Variants in SLC17A1 observed in about 807,000 individuals in gnomAD.
The protein encoded by SLC17A1 is sodium-dependent phosphate transport protein 1.
A neutral mutation model predicts 53.5 loss-of-function variants in SLC17A1; 51 were observed. The observed-to-expected ratio is 0.95, with a 90% CI of 0.76 to 1.20. The LOEUF (loss-of-function observed/expected upper bound fraction) is 1.20. Among genes scored for constraint, SLC17A1 ranks in the 50% most tolerant of loss-of-function variants. The pLI is 0.00. For synonymous variants in SLC17A1, 179 were observed against 198.8 expected, an observed-to-expected ratio of 0.90 and a Z score of 0.84; for missense variants, 538 against 568.2, an observed-to-expected ratio of 0.95 and a Z score of 0.54.
intron 12 of SLC17A1, among the ~76,000 whole-genome samples, chr6:25,783,811 T>C (rs184392991): frequency 6.6e-6 from 1 of 151,822 alleles, no homozygotes; most frequent in Non-Finnish European, 1.5e-5. Context: ...TTTTTTTTTT[T>C]GGACCCTACC....
chr6:25,760,885 A>C, the SLC17A1 span, among the ~76,000 whole-genome samples: 3 of 152,180 alleles, frequency 2.0e-5, no homozygotes, highest in Non-Finnish European at 4.4e-5. Context: ...GCATACTTAC[A>C]TAATGTCTTT....
chr6:25,723,773 C>A, the SLC17A1 span, among the ~76,000 whole-genome samples: 1 of 152,162 alleles, frequency 6.6e-6, no homozygotes, highest in Admixed American at 6.5e-5. Flanking sequence ...CCACTGCACT[C>A]GTCTGTGCGA....
chr6:25,808,863 A>G (rs62394267), intron 10 of SLC17A1, among the ~76,000 whole-genome samples: 14,120 of 152,156 alleles, frequency 0.093, 831 homozygotes, highest in Middle Eastern at 0.15. Flanking sequence ...AAGAACCACA[A>G]ATAGAACTAC....
At chr6:25,771,488 C>A in the SLC17A1 span, among the ~76,000 whole-genome samples, 1 of 151,870 alleles carries the variant, frequency 6.6e-6, no homozygotes, top group African/African-American at 2.4e-5. Flanking sequence ...GTGGGAGAAT[C>A]ACTTGAACCC....
chr6:25,726,793 A>G, the SLC17A1 span: 7 of 1,325,062 alleles, frequency 5.3e-6, no homozygotes, highest in Admixed American at 1.6e-4. Context: ...TTACTTGGCG[A>G]GACTTGGAGC....
At chr6:25,738,944 A>C in the SLC17A1 span, among the ~76,000 whole-genome samples, 2 of 152,182 alleles carry the variant, frequency 1.3e-5, no homozygotes, top group African/African-American at 4.8e-5. Context: ...AAAACTATAA[A>C]ATGGTACAGA....
At chr6:25,746,113 T>C in the SLC17A1 span, among the ~76,000 whole-genome samples, 1 of 152,212 alleles carries the variant, frequency 6.6e-6, no homozygotes, top group Non-Finnish European at 1.5e-5. Context: ...CAGCTTCAGA[T>C]AATAAATTCA....
the SLC17A1 span, among the ~76,000 whole-genome samples, chr6:25,750,071 C>T: frequency 6.6e-6 from 1 of 152,204 alleles, no homozygotes; most frequent in Non-Finnish European, 1.5e-5. Context: ...GAAATTAGTG[C>T]AAGGCGTAGC....
chr6:25,775,760 T>C, the SLC17A1 span, among the ~76,000 whole-genome samples: 2 of 152,204 alleles, frequency 1.3e-5, no homozygotes, highest in African/African-American at 2.4e-5. Context: ...TCTTTGTTTC[T>C]TTATGAGAAT....
chr6:25,807,633 C>T (rs539539417), intron 10 of SLC17A1, among the ~76,000 whole-genome samples: 39 of 152,000 alleles, frequency 2.6e-4, no homozygotes, highest in Non-Finnish European at 4.1e-4. Flanking sequence ...TCCCTGAGTC[C>T]GTAGAGTCCA....
the SLC17A1 span, among the ~76,000 whole-genome samples, chr6:25,745,049 G>T: frequency 5.9e-4 from 89 of 151,922 alleles, no homozygotes; most frequent in South Asian, 0.016. Flanking sequence ...TTTATGTCAG[G>T]ACTGCACCCA....
chr6:25,813,524 C>T (rs546007108), intron 6 of SLC17A1, among the ~76,000 whole-genome samples: 1 of 152,298 alleles, frequency 6.6e-6, no homozygotes, highest in East Asian at 1.9e-4. Flanking sequence ...AAGAGGATGG[C>T]ACAGCTGAGC....
chr6:25,726,098 A>T, the SLC17A1 span: 1 of 1,487,104 alleles, frequency 6.7e-7, no homozygotes, highest in Non-Finnish European at 8.9e-7. Context: ...GTTTTTTCTG[A>T]CACAGAAGTC....
At chr6:25,736,522 A>G in the SLC17A1 span, among the ~76,000 whole-genome samples, 1 of 152,126 alleles carries the variant, frequency 6.6e-6, no homozygotes, top group Non-Finnish European at 1.5e-5. Flanking sequence ...AATACTGTAA[A>G]GCAATTAGAA....
downstream of SLC17A1, chr6:25,777,967 A>C (rs973375943): frequency 1.9e-6 from 3 of 1,613,064 alleles, no homozygotes; most frequent in African/African-American, 4.0e-5. Flanking sequence ...GTCTTTGCAC[A>C]CATAGCTGGA....
the SLC17A1 span, chr6:25,732,465 CG>C: frequency 3.4e-6 from 1 of 298,154 alleles, no homozygotes; most frequent in East Asian, 8.1e-5. Flanking sequence ...TAGGGAAACT[CG>C]GGGGAAGGGT....
chr6:25,731,636 T>C, the SLC17A1 span: 5 of 495,956 alleles, frequency 1.0e-5, no homozygotes, highest in South Asian at 1.3e-4. Flanking sequence ...GATAACCATG[T>C]TATGCCTAGT....
chr6:25,787,221 C>T (rs1412385830), intron 12 of SLC17A1, among the ~76,000 whole-genome samples: 1 of 151,916 alleles, frequency 6.6e-6, no homozygotes, highest in African/African-American at 2.4e-5. Context: ...GGTGCAGTGG[C>T]TCACATCTGA....
At chr6:25,831,496 G>T (rs1393406534) in intron 1 of SLC17A1, among the ~76,000 whole-genome samples, 1 of 151,952 alleles carries the variant, frequency 6.6e-6, no homozygotes, top group South Asian at 2.1e-4. Context: ...CCACCCATAC[G>T]TATGCACCAC....
Sources: allele counts gnomAD v4.1 joint callset (sites outside exome capture counted in the v4.1 genomes callset), GRCh38; gene constraint gnomAD v4.1.1; transcripts MANE v1.5; gene names NCBI Gene and HGNC (gene_info 2026-07-23, HGNC 2026-07-21).